Variants in PBX1 observed in about 807,000 individuals in gnomAD.
The protein encoded by PBX1 is PBX homeobox 1.
A neutral mutation model predicts 53.4 loss-of-function variants in PBX1; 6 were observed. The observed-to-expected ratio is 0.11, with a 90% CI of 0.06 to 0.22. The LOEUF is 0.22. Among genes scored for constraint, PBX1 ranks in the 10% least tolerant of loss-of-function variants. PBX1 has a pLI of 1.00. For synonymous variants in PBX1, 204 were observed against 212.3 expected (o/e 0.96, Z 0.34); for missense variants, 251 against 551.4 (o/e 0.46, Z 5.46).
chr1:164,738,951 T>C (rs749193447), intron 2 of PBX1, among the ~76,000 whole-genome samples: 1 of 152,236 alleles, frequency 6.6e-6, no homozygotes, highest in Non-Finnish European at 1.5e-5. Context: ...CTATTATTTA[T>C]GTAAATTATA....
At chr1:164,610,281 C>T (rs1477699655) in intron 2 of PBX1, among the ~76,000 whole-genome samples, 1 of 152,050 alleles carries the variant, frequency 6.6e-6, no homozygotes, top group Non-Finnish European at 1.5e-5. Flanking sequence ...CCATGAGCCC[C>T]TCCCCTTCTC....
Position 164,581,416 on chromosome 1 carries a change from C to T in PBX1, c.265+18105C>T, listed in dbSNP as rs144103010. 3.9e-3 allele frequency among the ~76,000 whole-genome samples: 598 copies of T among 151,916 alleles called. 4 individuals carry two copies. The highest frequency in any genetic ancestry group is 0.013 in the African/African-American group (558 of 41,444). On this transcript the variant is annotated intron_variant, in intron 2 of 8. Coordinates refer to ENST00000420696, the MANE Select transcript of PBX1 (RefSeq NM_002585.4). ...CTAATTTTTGTATTTTTAGTAAAGA[C>T]GGGATTTCACCATATTGGCCAGGCT... is the stretch of plus-strand genomic sequence containing the variant.
At chr1:164,577,778 A>G (rs755568324) in intron 2 of PBX1, among the ~76,000 whole-genome samples, 1 of 152,154 alleles carries the variant, frequency 6.6e-6, no homozygotes, top group Non-Finnish European at 1.5e-5. Context: ...AATTCCCTCT[A>G]TAAATTTCCA....
chr1:164,847,916 T>C lies in PBX1; in HGVS notation c.*1240T>C. 2 of 1,054,478 alleles carry C rather than the reference T, an allele frequency of 1.9e-6. No individual in the cohort carries two copies. The highest frequency in any genetic ancestry group is 2.3e-6 in the Non-Finnish European group (2 of 872,432). The allele number at this position is 1,054,478 out of a possible 1,614,324, so 65.3% of individuals were successfully genotyped here. ...CTTGTTCCCACCACCTCTGGAGCAC[T>C]CAGGGAGCCCCATACAGTACTTACA... is the stretch of plus-strand genomic sequence containing the variant. On this transcript the variant is annotated 3_prime_UTR_variant, in exon 9 of 9. Transcript: ENST00000420696.
chr1:164,848,143 T>C lies in PBX1; in HGVS notation c.*1467T>C, dbSNP rs1459101386. On this transcript the variant is annotated 3_prime_UTR_variant, in exon 9 of 9. Coordinates refer to ENST00000420696, the MANE Select transcript of PBX1 (RefSeq NM_002585.4). ...AGAATCATGGGGAAAGGGAAGGTAA[T>C]GTTTTCATTGAAATCATCACAGTGA... 9.5e-7 allele frequency: 1 copy of C among 1,050,622 alleles called. No individual in the cohort carries two copies. The highest frequency in any genetic ancestry group is 1.1e-6 in the Non-Finnish European group (1 of 870,166). 65.1% of individuals were successfully genotyped at this position (1,050,622 alleles called of 1,614,324 possible). A position where few individuals can be genotyped will look rare whatever the true frequency, so the allele number is the denominator to read the frequency against.
At chr1:164,757,161 A>G (rs1323329670) in intron 2 of PBX1, among the ~76,000 whole-genome samples, 1 of 152,094 alleles carries the variant, frequency 6.6e-6, no homozygotes, top group African/African-American at 2.4e-5. Context: ...ATTGCCCCCC[A>G]TGGAAACTGG....
At chr1:164,774,106 A>C (rs777257998) in intron 2 of PBX1, among the ~76,000 whole-genome samples, 7 of 152,370 alleles carry the variant, frequency 4.6e-5, no homozygotes, top group Admixed American at 2.6e-4. Context: ...ATTGTTTTAC[A>C]TAGTGGGGTG....
chr1:164,658,059 G>A lies in PBX1; in HGVS notation c.265+94748G>A, dbSNP rs77483289. 5.3e-3 allele frequency among the ~76,000 whole-genome samples: 801 copies of A among 152,096 alleles called. 5 individuals carry two copies. The highest frequency in any genetic ancestry group is 0.018 in the African/African-American group (754 of 41,470). On this transcript the variant is annotated intron_variant, in intron 2 of 8. Transcript: ENST00000420696. ...GGGGAGCCAGAATGATGGGTAGCAG[G>A]CAGGTGGTAGATGGGGAGACCTAAA... is the stretch of plus-strand genomic sequence containing the variant.
chr1:164,691,707 C>T (rs1662500739), intron 2 of PBX1, among the ~76,000 whole-genome samples: 1 of 152,122 alleles, frequency 6.6e-6, no homozygotes, highest in African/African-American at 2.4e-5. Flanking sequence ...ACTGATGTTG[C>T]GTCACCATAA....
intron 4 of PBX1, among the ~76,000 whole-genome samples, chr1:164,803,133 T>C (rs1051997287): frequency 2.0e-5 from 3 of 152,196 alleles, no homozygotes; most frequent in Non-Finnish European, 4.4e-5. Flanking sequence ...ATTTACTGGC[T>C]TATCTAACTG....
intron 3 of PBX1, among the ~76,000 whole-genome samples, chr1:164,793,872 C>CCTTTCTT (rs1553247240): frequency 2.8e-4 from 22 of 78,218 alleles, no homozygotes; most frequent in South Asian, 4.9e-4. Context: ...TTTTTCCTTT[C>CCTTTCTT]TTTTTTTTTT....
chr1:164,584,488 A>G (rs918060793), intron 2 of PBX1, among the ~76,000 whole-genome samples: 1 of 152,226 alleles, frequency 6.6e-6, no homozygotes, highest in African/African-American at 2.4e-5. Flanking sequence ...AAAGCCTCTT[A>G]GATCTCTTAG....
At position 164,710,286 on chromosome 1, in the gene PBX1, T is replaced by C. The variant is rs1270459894; in HGVS notation, c.266-82208T>C. Among the ~76,000 whole-genome samples the C allele has an allele frequency of 4.6e-5, 7 of 152,320 alleles. No individual in the cohort carries two copies. The East Asian group carries it at 1.4e-3, about 29-fold the overall frequency. On this transcript the variant is annotated intron_variant, in intron 2 of 8. Transcript: ENST00000420696. ...ATATACCGTTTTTCCATTTTCTCTT[T>C]TCAGTTTTTTTCTTTCTTATAAGAA... is the stretch of plus-strand genomic sequence containing the variant.
At position 164,629,241 on chromosome 1, in the gene PBX1, T is replaced by A. The variant is rs569207176; in HGVS notation, c.265+65930T>A. 3.5e-5 allele frequency among the ~76,000 whole-genome samples: 5 copies of A among 144,600 alleles called. 1 individual carries two copies. In the South Asian group the frequency reaches 1.0e-3, roughly 30 times the overall value. 94.9% of individuals were successfully genotyped at this position (144,600 alleles called of 152,430 possible). On this transcript the variant is annotated intron_variant, in intron 2 of 8. Transcript: ENST00000420696. ...CATGATCTAAAATTGAAAAAAAAAATGTTAGTGTTAAGCATTTTGAGTTAA... is the reference window on the plus strand; with the variant it reads ...CATGATCTAAAATTGAAAAAAAAAAAGTTAGTGTTAAGCATTTTGAGTTAA...
At chr1:164,625,993 T>C in intron 2 of PBX1, 1 of 1,041,082 alleles carries the variant, frequency 9.6e-7, no homozygotes, top group Non-Finnish European at 1.2e-6. Flanking sequence ...GGATACAAAG[T>C]TCTGTTCGGC....
At chr1:164,723,819 G>A (rs1357927662) in intron 2 of PBX1, among the ~76,000 whole-genome samples, 1 of 152,168 alleles carries the variant, frequency 6.6e-6, no homozygotes, top group Non-Finnish European at 1.5e-5. Flanking sequence ...ATAAGCTGCC[G>A]AGTCAGAATC....
At chr1:164,664,075 C>CCTA (rs1457761120) in intron 2 of PBX1, among the ~76,000 whole-genome samples, 1 of 152,146 alleles carries the variant, frequency 6.6e-6, no homozygotes, top group Non-Finnish European at 1.5e-5. Flanking sequence ...TGTTGAATTA[C>CCTA]CTAATATTAA....
intron 2 of PBX1, among the ~76,000 whole-genome samples, chr1:164,649,509 T>G (rs189925574): frequency 6.6e-6 from 1 of 152,132 alleles, no homozygotes; most frequent in Non-Finnish European, 1.5e-5. Flanking sequence ...ATCAGTTTTT[T>G]CCCCCCAGTA....
rs984596707 is a variant in PBX1 at position 164,603,903 on chromosome 1, A to G, written c.265+40592A>G. Among the ~76,000 whole-genome samples the G allele has an allele frequency of 2.1e-5, 3 of 146,140 alleles. No individual in the cohort carries two copies. The Admixed American group carries it at 2.1e-4, about 10-fold the overall frequency. ...ATACTGTTTGCTAGACATTAATGCA[A>G]GACACTCTGTACATTATGTCATTTC... is the stretch of plus-strand genomic sequence containing the variant. On this transcript the variant is annotated intron_variant, in intron 2 of 8. Transcript: ENST00000420696.
Sources: allele counts gnomAD v4.1 joint callset (sites outside exome capture counted in the v4.1 genomes callset), GRCh38; gene constraint gnomAD v4.1.1; transcripts MANE v1.5; gene names NCBI Gene and HGNC (gene_info 2026-07-23, HGNC 2026-07-21).